NELL1: variants seen among roughly 807,000 people sequenced by gnomAD.
The protein encoded by NELL1 is protein kinase C-binding protein NELL1.
NELL1 carries 76 observed loss-of-function variants against 107.4 expected under a neutral mutation model. The ratio of observed to expected loss-of-function variants is 0.71; its 90% CI spans 0.59 to 0.86. The LOEUF is 0.86. Ranked by LOEUF, NELL1 falls within the 40% of genes least tolerant of loss-of-function variation. NELL1 has a pLI of 0.00. For missense variants in NELL1, 1,024 were observed against 1,005.5 expected (o/e 1.02, Z -0.25); for synonymous variants, 353 against 341.2 (o/e 1.03, Z -0.38).
At chr11:21,152,100 C>A (rs1412676886) in intron 13 of NELL1, among the ~76,000 whole-genome samples, 1 of 152,140 alleles carries the variant, frequency 6.6e-6, no homozygotes, top group Non-Finnish European at 1.5e-5. Context: ...AGGACATGGA[C>A]AAATCAACTT....
chr11:21,399,795 A>G (rs1852058279), intron 15 of NELL1, among the ~76,000 whole-genome samples: 1 of 151,762 alleles, frequency 6.6e-6, no homozygotes, highest in South Asian at 2.1e-4. Context: ...TCATTTGTGA[A>G]AGCTATGATA....
At chr11:20,750,250 A>G (rs1161544959) in intron 2 of NELL1, among the ~76,000 whole-genome samples, 2 of 152,146 alleles carry the variant, frequency 1.3e-5, no homozygotes, top group Non-Finnish European at 2.9e-5. Flanking sequence ...TGCAGGGTCC[A>G]TTAAAGTCTT....
intron 12 of NELL1, among the ~76,000 whole-genome samples, chr11:21,062,823 T>C (rs767724916): frequency 3.9e-5 from 6 of 152,024 alleles, no homozygotes; most frequent in African/African-American, 7.2e-5. Context: ...TTTGTTTATT[T>C]ATTTATTTAT....
At chr11:21,069,626 G>A (rs1489695611) in intron 12 of NELL1, among the ~76,000 whole-genome samples, 1 of 152,170 alleles carries the variant, frequency 6.6e-6, no homozygotes, top group Non-Finnish European at 1.5e-5. Flanking sequence ...TCCATACAAA[G>A]CATTGTGTGA....
At chr11:20,778,684 C>T (rs1284731277) in intron 2 of NELL1, among the ~76,000 whole-genome samples, 2 of 151,928 alleles carry the variant, frequency 1.3e-5, no homozygotes, top group Non-Finnish European at 2.9e-5. Context: ...GCCATTTTCC[C>T]CCGTTTTAAA....
chr11:20,799,659 G>GTGTA (rs55778551), intron 3 of NELL1, among the ~76,000 whole-genome samples: 64,700 of 150,894 alleles, frequency 0.43, 16,411 homozygotes, highest in African/African-American at 0.72. Context: ...GTATGTATGT[G>GTGTA]TGTATGTATG....
chr11:21,086,797 A>C (rs116665065), intron 12 of NELL1, among the ~76,000 whole-genome samples: 1,698 of 151,944 alleles, frequency 0.011, 37 homozygotes, highest in African/African-American at 0.038. Context: ...AAAAGAATGA[A>C]TAACAAGTAG....
chr11:21,326,838 T>G (rs990041971), intron 14 of NELL1, among the ~76,000 whole-genome samples: 5 of 152,198 alleles, frequency 3.3e-5, no homozygotes, highest in Middle Eastern at 3.2e-3. Context: ...TATCTCTGTC[T>G]TATGATTGGA....
intron 14 of NELL1, among the ~76,000 whole-genome samples, chr11:21,342,412 G>GA (rs1491292630): frequency 1.6e-3 from 91 of 55,364 alleles, no homozygotes; most frequent in East Asian, 0.01. Context: ...AGGCTTAAGT[G>GA]GGGGGGGGGG....
intron 14 of NELL1, among the ~76,000 whole-genome samples, chr11:21,355,684 C>G (rs1443463429): frequency 3.3e-5 from 5 of 152,148 alleles, no homozygotes; most frequent in Admixed American, 2.0e-4. Context: ...ACTCCTCACT[C>G]CTAAGTTCTT....
chr11:20,769,958 A>G (rs540807219), intron 2 of NELL1, among the ~76,000 whole-genome samples: 66 of 152,194 alleles, frequency 4.3e-4, no homozygotes, highest in Non-Finnish European at 8.4e-4. Context: ...GTGGGAGCCT[A>G]CCAGCATCCT....
chr11:21,084,554 C>G (rs902567725), intron 12 of NELL1, among the ~76,000 whole-genome samples: 7 of 152,122 alleles, frequency 4.6e-5, no homozygotes, highest in Non-Finnish European at 8.8e-5. Context: ...ACATTACGAT[C>G]AAGGACTTCT....
intron 5 of NELL1, among the ~76,000 whole-genome samples, chr11:20,914,093 A>G (rs1850193469): frequency 6.6e-6 from 1 of 152,112 alleles, no homozygotes; most frequent in Admixed American, 6.6e-5. Flanking sequence ...AGCATATTGT[A>G]GTGACCCAGC....
chr11:20,707,944 C>A (rs1855011576), intron 2 of NELL1, among the ~76,000 whole-genome samples: 1 of 152,230 alleles, frequency 6.6e-6, no homozygotes, highest in Non-Finnish European at 1.5e-5. Context: ...GCCCCCAGAG[C>A]TGGAGTATAC....
chr11:21,126,059 G>A (rs1855480101), intron 13 of NELL1, among the ~76,000 whole-genome samples: 1 of 152,146 alleles, frequency 6.6e-6, no homozygotes, highest in South Asian at 2.1e-4. Flanking sequence ...CTACACATGA[G>A]GAATCTATGT....
In NELL1 at chr11:21,430,669, C is replaced by T. The variant is rs537933560; in HGVS notation, c.1645+59721C>T. On this transcript the variant is annotated intron_variant, in intron 15 of 19. Coordinates refer to ENST00000357134, the MANE Select transcript of NELL1 (RefSeq NM_006157.5). Reference sequence around the variant, plus strand: ...GCCTCTTAGATCATAGGAAATGATTCGCAGGGTGAGATGGATTCACCACTC... The same window carrying T: ...GCCTCTTAGATCATAGGAAATGATTTGCAGGGTGAGATGGATTCACCACTC... Among the ~76,000 whole-genome samples, 14 of 152,082 alleles carry T rather than the reference C, an allele frequency of 9.2e-5. 2 individuals carry two copies. Among genetic ancestry groups the T allele is most frequent in the East Asian group, 5.8e-4 (3 of 5,160 alleles).
intron 12 of NELL1, among the ~76,000 whole-genome samples, chr11:21,011,067 A>AG (rs1338373190): frequency 6.6e-6 from 1 of 152,092 alleles, no homozygotes; most frequent in Non-Finnish European, 1.5e-5. Flanking sequence ...GACATTTTCT[A>AG]GCTTTATTTC....
At chr11:21,315,412 G>T (rs1478337291) in intron 14 of NELL1, among the ~76,000 whole-genome samples, 2 of 152,078 alleles carry the variant, frequency 1.3e-5, no homozygotes, top group Middle Eastern at 3.2e-3. Flanking sequence ...AGTGGCCAAG[G>T]AAAGCAGTGC....
At chr11:21,079,858 C>A (rs1854224727) in intron 12 of NELL1, among the ~76,000 whole-genome samples, 1 of 151,982 alleles carries the variant, frequency 6.6e-6, no homozygotes, top group African/African-American at 2.4e-5. Context: ...TTGTCAGTTG[C>A]TAAAGTGCTA....
Sources: allele counts gnomAD v4.1 joint callset (sites outside exome capture counted in the v4.1 genomes callset), GRCh38; gene constraint gnomAD v4.1.1; transcripts MANE v1.5; gene names NCBI Gene and HGNC (gene_info 2026-07-23, HGNC 2026-07-21).